ZNF560: variants seen among roughly 807,000 people sequenced by gnomAD.
ZNF560 encodes the protein zinc finger protein 560.
In ZNF560, 54 loss-of-function variants were observed where a neutral mutation model predicts 81.8. The observed-to-expected ratio is 0.66, with a 90% CI of 0.53 to 0.83. The LOEUF is 0.83. Among genes scored for constraint, ZNF560 ranks in the 40% least tolerant of loss-of-function variants. The probability of loss-of-function intolerance (pLI) is 0.00; values close to 1 mark genes in which losing one functional copy is unlikely to be tolerated. For missense variants in ZNF560, 940 were observed against 932.4 expected (o/e 1.01, Z -0.11); for synonymous variants, 321 against 317.9 (o/e 1.01, Z -0.10).
the ZNF560 span, among the ~76,000 whole-genome samples, chr19:9,449,974 C>CAAA: frequency 0.019 from 785 of 42,430 alleles, 9 homozygotes; most frequent in Non-Finnish European, 0.03. Context: ...AACTCTGTCT[C>CAAA]AAAAAAAAAA....
In ZNF560 at chr19:9,489,571, C is replaced by T. The variant is rs556866200; in HGVS notation, c.-57+8557G>A. Among the ~76,000 whole-genome samples, 14 of 152,120 alleles carry T rather than the reference C, an allele frequency of 9.2e-5. No homozygotes were observed. In the East Asian group the frequency reaches 1.2e-3, roughly 13 times the overall value. On this transcript the variant is annotated intron_variant, in intron 2 of 9. Coordinates refer to ENST00000301480, the MANE Select transcript of ZNF560 (RefSeq NM_152476.3). The stretch of plus-strand genomic sequence containing the variant: ...TTCACTTCCCAGACAGTTGGGTGGC[C>T]GGGAACTTCTTTATAAATTACCCAG...
chr19:9,458,964 T>A, the ZNF560 span, among the ~76,000 whole-genome samples: 1 of 152,228 alleles, frequency 6.6e-6, no homozygotes. Context: ...TACATGCCAA[T>A]CAGGAGAGTC....
At position 9,495,638 on chromosome 19, in the gene ZNF560, C is replaced by T. The variant is rs574264984; in HGVS notation, c.-57+2490G>A. On this transcript the variant is annotated intron_variant, in intron 2 of 9. Transcript: ENST00000301480. ...ATGAGAATCACTTGAACCCAGGAGG[C>T]GGAGGGTGCAGTGTATTCAGATGGC... is the stretch of plus-strand genomic sequence containing the variant. Among the ~76,000 whole-genome samples the T allele has an allele frequency of 9.9e-5, 15 of 152,192 alleles. No homozygotes were observed. The South Asian group carries it at 2.7e-3, about 27-fold the overall frequency.
chr19:9,471,886 G>A (rs769031827), intron 5 of ZNF560, among the ~76,000 whole-genome samples: 29 of 152,280 alleles, frequency 1.9e-4, no homozygotes, highest in Middle Eastern at 3.4e-3. Flanking sequence ...TGAGGTGGGC[G>A]GATCACAAGG....
chr19:9,475,056 C>T (rs1187825909), intron 3 of ZNF560, among the ~76,000 whole-genome samples: 1 of 151,948 alleles, frequency 6.6e-6, no homozygotes, highest in East Asian at 1.9e-4. Context: ...ATATATCTGG[C>T]ACCATAAGGG....
upstream of ZNF560, among the ~76,000 whole-genome samples, chr19:9,500,501 C>T (rs889980780): frequency 6.6e-6 from 1 of 151,846 alleles, no homozygotes; most frequent in Admixed American, 6.6e-5. Flanking sequence ...CAGGCATTCA[C>T]TATTGAATAT....
At chr19:9,453,753 G>A in the ZNF560 span, among the ~76,000 whole-genome samples, 27 of 152,118 alleles carry the variant, frequency 1.8e-4, no homozygotes, top group Non-Finnish European at 3.2e-4. Flanking sequence ...CCATAACAAT[G>A]GCAACAAATA....
At chr19:9,480,692 C>T (rs2073273904) in intron 2 of ZNF560, among the ~76,000 whole-genome samples, 1 of 151,410 alleles carries the variant, frequency 6.6e-6, no homozygotes, top group African/African-American at 2.4e-5. Flanking sequence ...GTAATTGCAG[C>T]ACTTTGGGAG....
At chr19:9,494,969 G>C (rs1467417110) in intron 2 of ZNF560, among the ~76,000 whole-genome samples, 1 of 151,830 alleles carries the variant, frequency 6.6e-6, no homozygotes, top group Non-Finnish European at 1.5e-5. Flanking sequence ...TAGATTCTAG[G>C]AGCTGAGCAC....
chr19:9,468,043 T>G lies in ZNF560; in HGVS notation c.904A>C (p.Ile302Leu). Residue 302 changes from isoleucine (I) to leucine (L), a missense_variant, in exon 10 of 10, where the codon ATT becomes CTT. Transcript: ENST00000301480. ...TGTGCTTCAAGGTATGACTGATAAA[T>G]GAAGGCTTTCCCATAGTCAGTGCCT... is the stretch of plus-strand genomic sequence containing the variant. Reference protein sequence around the residue: ...FEGTDYGKAFIYQSYLEAHRK... With the variant: ...FEGTDYGKAFLYQSYLEAHRK... The G allele has an allele frequency of 6.2e-7, 1 of 1,614,228 alleles. No homozygotes were observed. Among genetic ancestry groups the G allele is most frequent in the South Asian group, 1.1e-5 (1 of 91,086 alleles).
chr19:9,469,890 C>T (rs1599651618), intron 7 of ZNF560, 180 bp from the exon 8 acceptor site: 2 of 568,226 alleles, frequency 3.5e-6, no homozygotes, highest in East Asian at 2.8e-5. Flanking sequence ...CACATTCAAG[C>T]TTAACTCATT....
the ZNF560 span, among the ~76,000 whole-genome samples, chr19:9,453,241 CCAA>C: frequency 1.3e-5 from 2 of 152,182 alleles, no homozygotes; most frequent in Admixed American, 6.5e-5. Context: ...TCACCAAAAA[CCAA>C]CCATGTTGGC....
downstream of ZNF560, among the ~76,000 whole-genome samples, chr19:9,463,723 C>A (rs1283180851): frequency 6.6e-6 from 1 of 152,180 alleles, no homozygotes; most frequent in Admixed American, 6.5e-5. Context: ...GCCTCTGTCA[C>A]CCAGGTTGGA....
At chr19:9,462,289 G>A (rs544037316), downstream of ZNF560, among the ~76,000 whole-genome samples, 1 of 152,332 alleles carries the variant, frequency 6.6e-6, no homozygotes, top group East Asian at 1.9e-4. Context: ...GCGGAAAACT[G>A]CTCAAGGTGT....
At chr19:9,445,996 C>A in the ZNF560 span, among the ~76,000 whole-genome samples, 1 of 152,084 alleles carries the variant, frequency 6.6e-6, no homozygotes, top group African/African-American at 2.4e-5. Context: ...AGAAAACAAA[C>A]TGAGGTATTA....
chr19:9,474,468 T>C (rs369094734), intron 3 of ZNF560, 143 bp from the exon 4 acceptor site: 7 of 883,358 alleles, frequency 7.9e-6, no homozygotes, highest in East Asian at 7.8e-5. Flanking sequence ...CCCAGGTAAA[T>C]CTCAGGTATT....
chr19:9,465,132 T>TTTTTC (rs1054988380), downstream of ZNF560, among the ~76,000 whole-genome samples: 3 of 135,498 alleles, frequency 2.2e-5, no homozygotes, highest in African/African-American at 3.6e-5. Context: ...GCTATTGATT[T>TTTTTC]TTTTTTTTTT....
At chr19:9,504,383 C>T in the ZNF560 span, among the ~76,000 whole-genome samples, 18 of 152,028 alleles carry the variant, frequency 1.2e-4, no homozygotes, top group Admixed American at 5.2e-4. Context: ...TGCAGTAAGC[C>T]GAAATTGCAC....
chr19:9,480,211 CATATG>C (rs1257914789), intron 2 of ZNF560, among the ~76,000 whole-genome samples: 12 of 152,116 alleles, frequency 7.9e-5, no homozygotes, highest in Admixed American at 3.9e-4. Flanking sequence ...CAAGATAGAT[CATATG>C]TTAGGTCACA....
Sources: gnomAD v4.1 joint callset for allele counts (sites outside exome capture counted in the v4.1 genomes callset) on GRCh38, gnomAD v4.1.1 for gene constraint, MANE v1.5 for transcripts, NCBI Gene and HGNC (gene_info 2026-07-23, HGNC 2026-07-21) for gene names.